Variants in NF2 observed in about 807,000 individuals in gnomAD.
The protein encoded by NF2 is NF2, moesin-ezrin-radixin like (MERLIN) tumor suppressor.
Under a neutral mutation model 83.7 loss-of-function variants are expected in NF2, and 8 were observed. That is an observed-to-expected ratio of 0.10 (90% CI 0.06 to 0.17). The LOEUF is 0.17. Among genes scored for constraint, NF2 ranks in the 10% least tolerant of loss-of-function variants. The probability of loss-of-function intolerance (pLI) is 1.00; values close to 1 mark genes in which losing one functional copy is unlikely to be tolerated. For missense variants in NF2, 533 were observed against 744.4 expected (o/e 0.72, Z 3.31); for synonymous variants, 266 against 269.6 (o/e 0.99, Z 0.13).
intron 2 of NF2, among the ~76,000 whole-genome samples, chr22:29,638,650 C>T (rs1055579097): frequency 6.6e-6 from 1 of 152,074 alleles, no homozygotes; most frequent in East Asian, 1.9e-4. Flanking sequence ...CCACGCCCAG[C>T]GCTCTAAGCC....
At chr22:29,665,785 A>G (rs1001601287) in intron 9 of NF2, among the ~76,000 whole-genome samples, 3 of 151,234 alleles carry the variant, frequency 2.0e-5, no homozygotes, top group Non-Finnish European at 4.4e-5. Flanking sequence ...AAGAAAAAGG[A>G]AAAAAGAAAT....
intron 10 of NF2, among the ~76,000 whole-genome samples, chr22:29,670,565 G>A (rs2066756465): frequency 6.7e-6 from 1 of 150,090 alleles, no homozygotes; most frequent in Admixed American, 6.6e-5. Flanking sequence ...AGAAAAAGCA[G>A]CAGTCTTAGA....
intron 1 of NF2, among the ~76,000 whole-genome samples, chr22:29,619,974 T>C (rs948128033): frequency 7.9e-5 from 12 of 152,066 alleles, no homozygotes; most frequent in African/African-American, 2.7e-4. Flanking sequence ...CAAGAGATAT[T>C]ATAAAATAGG....
At chr22:29,652,669 A>G (rs970763294) in intron 4 of NF2, among the ~76,000 whole-genome samples, 2 of 152,172 alleles carry the variant, frequency 1.3e-5, no homozygotes, top group East Asian at 1.9e-4. Flanking sequence ...TGCAAGATAA[A>G]TACTATTATT....
intron 4 of NF2, among the ~76,000 whole-genome samples, chr22:29,654,136 C>A (rs945282949): frequency 6.6e-6 from 1 of 152,152 alleles, no homozygotes; most frequent in African/African-American, 2.4e-5. Flanking sequence ...TTTGTCTGTA[C>A]AATAGGAATG....
intron 1 of NF2, among the ~76,000 whole-genome samples, chr22:29,616,174 G>T (rs1601540773): frequency 6.6e-6 from 1 of 152,120 alleles, no homozygotes; most frequent in Non-Finnish European, 1.5e-5. Flanking sequence ...AATGGGTGGG[G>T]TAGAGGGTGT....
Position 29,696,010 on chromosome 22 carries a change from C to T in NF2, c.*1208C>T, listed in dbSNP as rs2530680. On this transcript the variant is annotated 3_prime_UTR_variant, in exon 16 of 16. Transcript: ENST00000338641. ...CACCTCCATGCCAGGCAACAGAGGG[C>T]CACAGAACCACCCCCACGGCTCACT... The T allele has an allele frequency of 0.24, 56,398 of 232,442 alleles. 7,495 individuals carry two copies. Among genetic ancestry groups the T allele is most frequent in the East Asian group, 0.45 (7,507 of 16,602 alleles). The allele number at this position is 232,442 out of a possible 1,614,324, so 14.4% of individuals were successfully genotyped here.
At chr22:29,621,281 C>T (rs1299969473) in intron 1 of NF2, among the ~76,000 whole-genome samples, 1 of 152,200 alleles carries the variant, frequency 6.6e-6, no homozygotes, top group Non-Finnish European at 1.5e-5. Context: ...CTCTAACCAG[C>T]TTTGCAACCT....
intron 1 of NF2, among the ~76,000 whole-genome samples, chr22:29,623,142 G>A (rs1006017980): frequency 2.6e-5 from 4 of 151,258 alleles, no homozygotes; most frequent in African/African-American, 9.7e-5. Flanking sequence ...ATGGGATCCC[G>A]CTATGTTGCC....
intron 1 of NF2, chr22:29,609,521 A>G (rs1380154065): frequency 8.3e-6 from 2 of 240,962 alleles, no homozygotes; most frequent in Admixed American, 5.4e-5. Context: ...AAGGAGCCCA[A>G]TGTTTGTTTA....
rs2146851071 is a variant in NF2, at chr22:29,636,732, C to T, written c.115-19C>T. ...GATTTTTGCTCACAGTGTCCTTCCCCATTGGTTTGTTATTGCAGATGAAGT... is the reference window on the plus strand; with the variant it reads ...GATTTTTGCTCACAGTGTCCTTCCCTATTGGTTTGTTATTGCAGATGAAGT... On this transcript the variant is annotated intron_variant, in intron 1 of 15. Transcript: ENST00000338641. This position sits in a 1 kb window ranked among gnomAD's most constrained non-coding sequence, Gnocchi z 4.4. The T allele has an allele frequency of 3.1e-6, 5 of 1,614,122 alleles. No homozygotes were observed. Among genetic ancestry groups the T allele is most frequent in the Non-Finnish European group, 4.2e-6 (5 of 1,180,002 alleles).
intron 14 of NF2, among the ~76,000 whole-genome samples, chr22:29,678,995 C>T (rs2067049641): frequency 6.6e-6 from 1 of 152,254 alleles, no homozygotes; most frequent in Non-Finnish European, 1.5e-5. Context: ...ACTGCTGCTG[C>T]TTGCTAGAGG....
intron 1 of NF2, among the ~76,000 whole-genome samples, chr22:29,614,840 G>C (rs2065043827): frequency 6.6e-6 from 1 of 151,998 alleles, no homozygotes; most frequent in Non-Finnish European, 1.5e-5. Flanking sequence ...TTGAGGCCAG[G>C]AGTTTGAGAC....
At chr22:29,606,505 C>T (rs2064801733) in intron 1 of NF2, among the ~76,000 whole-genome samples, 1 of 152,214 alleles carries the variant, frequency 6.6e-6, no homozygotes, top group Admixed American at 6.5e-5. Flanking sequence ...GATTTTGCCT[C>T]AGGAGAGAAG....
Position 29,695,263 on chromosome 22 carries a change from C to T in NF2, c.*461C>T, listed in dbSNP as rs1422594728. On this transcript the variant is annotated 3_prime_UTR_variant, in exon 16 of 16. Coordinates refer to ENST00000338641, the MANE Select transcript of NF2 (RefSeq NM_000268.4). The surrounding 1 kb of genome is among the most constrained non-coding windows in gnomAD (Gnocchi z 5.4). ...CCACCGGTGAGGACCTGGCATGCAG[C>T]GAAGCAGCCCAGCCCGGCGGATCCC... 1.9e-5 allele frequency: 6 copies of T among 315,892 alleles called. No homozygotes were observed. The highest frequency in any genetic ancestry group is 5.9e-5 in the South Asian group (1 of 17,082). 19.6% of individuals were successfully genotyped at this position (315,892 alleles called of 1,614,324 possible).
rs1175984329 is a variant in NF2 at position 29,655,655 on chromosome 22, C to G, written c.578C>G (p.Ala193Gly). The G allele has an allele frequency of 1.2e-6, 2 of 1,612,438 alleles. No individual in the cohort carries two copies. The highest frequency in any genetic ancestry group is 1.7e-6 in the Non-Finnish European group (2 of 1,179,850). Residue 193 changes from alanine (A) to glycine (G), a missense_variant, in exon 6 of 16, where the codon GCA becomes GGA. Ala to Gly is a moderately conservative substitution (Grantham distance 60). Coordinates refer to ENST00000338641, the MANE Select transcript of NF2 (RefSeq NM_000268.4). The stretch of plus-strand genomic sequence containing the variant: ...GAGGAGAGAATTACTGCTTGGTACG[C>G]AGAGCACCGAGGCCGAGCCAGGTGA... The part of the protein sequence containing the change: ...MWEERITAWY[A>G]EHRGRARDEA...
At chr22:29,612,214 G>T (rs1485077591) in intron 1 of NF2, among the ~76,000 whole-genome samples, 6 of 152,198 alleles carry the variant, frequency 3.9e-5, no homozygotes, top group African/African-American at 1.4e-4. Context: ...CACCATGTTG[G>T]CCAGGCTGGT....
Position 29,644,264 on chromosome 22 carries a change from G to T in NF2, c.447+1979G>T, listed in dbSNP as rs1310520609. 3.0e-5 allele frequency among the ~76,000 whole-genome samples: 4 copies of T among 135,176 alleles called. No individual in the cohort carries two copies. In the South Asian group the frequency reaches 9.6e-4, roughly 32 times the overall value. The allele number at this position is 135,176 out of a possible 152,430, so 88.7% of individuals were successfully genotyped here. A position where few individuals can be genotyped will look rare whatever the true frequency, so the allele number is the denominator to read the frequency against. ...GACGGGGTGGCGGCCGGGCAGAGGC[G>T]CTCCTCACATCCCAGACGGGGCGGC... On this transcript the variant is annotated intron_variant, in intron 4 of 15. Transcript: ENST00000338641.
chr22:29,624,798 C>T lies in NF2; in HGVS notation c.115-11953C>T, dbSNP rs76779887. Among the ~76,000 whole-genome samples, 124 of 141,956 alleles carry T rather than the reference C, an allele frequency of 8.7e-4. 1 individual carries two copies. Among genetic ancestry groups the T allele is most frequent in the Middle Eastern group, 3.6e-3 (1 of 278 alleles). 93.1% of individuals were successfully genotyped at this position (141,956 alleles called of 152,430 possible). A position where few individuals can be genotyped will look rare whatever the true frequency, so the allele number is the denominator to read the frequency against. ...TTATGCCATGTTCTTGTTGAAGGGT[C>T]CTCTTTCTTTCTTTCTTTCTTTCTT... On this transcript the variant is annotated intron_variant, in intron 1 of 15. Transcript: ENST00000338641.
Sources: allele counts gnomAD v4.1 joint callset (sites outside exome capture counted in the v4.1 genomes callset), GRCh38; gene constraint gnomAD v4.1.1; non-coding constraint Gnocchi (gnomAD v3.1); transcripts MANE v1.5; gene names NCBI Gene and HGNC (gene_info 2026-07-23, HGNC 2026-07-21).